ZNF471: variants seen among roughly 807,000 people sequenced by gnomAD.
The protein encoded by ZNF471 is zinc finger protein 471.
In ZNF471, 7 loss-of-function variants were observed where a neutral mutation model predicts 13.7. The observed-to-expected ratio is 0.51, with a 90% CI of 0.29 to 0.96. The LOEUF (loss-of-function observed/expected upper bound fraction) is 0.96, where lower values mean the gene tolerates loss of function less well. Among genes scored for constraint, ZNF471 ranks in the 40% least tolerant of loss-of-function variants. The pLI is 0.08. For synonymous variants in ZNF471, 218 were observed against 235.6 expected (o/e 0.93, Z 0.68); for missense variants, 663 against 743.3 (o/e 0.89, Z 1.26).
In ZNF471 at chr19:56,516,839, A is replaced by G. The variant is rs910508971; in HGVS notation, c.160+438A>G. On this transcript the variant is annotated intron_variant, in intron 3 of 4. Transcript: ENST00000308031. The surrounding 1 kb of genome is among the most constrained non-coding windows in gnomAD (Gnocchi z 4.4). Reference sequence around the variant, plus strand: ...CTTCAGATCACTTACTGTTAGGGAAATTCCTATGGACCTTTCTTCTAAGCA... The same window carrying G: ...CTTCAGATCACTTACTGTTAGGGAAGTTCCTATGGACCTTTCTTCTAAGCA... Among the ~76,000 whole-genome samples the G allele has an allele frequency of 6.6e-6, 1 of 152,242 alleles. No homozygotes were observed. Among genetic ancestry groups the G allele is most frequent in the African/African-American group, 2.4e-5 (1 of 41,460 alleles).
At position 56,528,768 on chromosome 19, in the gene ZNF471, CTTTA is replaced by C. The variant is rs1173426778; in HGVS notation, c.*2825_*2828del. 6.6e-6 allele frequency: 1 copy of C among 152,004 alleles called. No homozygotes were observed. Among genetic ancestry groups the C allele is most frequent in the Non-Finnish European group, 1.5e-5 (1 of 68,008 alleles). 9.4% of individuals were successfully genotyped at this position (152,004 alleles called of 1,614,324 possible). ...ATTCCTGCGGGGAATATATACAAGA[CTTTA>C]TTTAGTCAAGTAAAAAAAAATCACT... On this transcript the variant is annotated 3_prime_UTR_variant, in exon 5 of 5. Transcript: ENST00000308031.
chr19:56,524,853 T>C lies in ZNF471; in HGVS notation c.786T>C (p.Phe262=), dbSNP rs73629951. ...GAACACATACTGGAGAGAAACTCTTTGAATGTAAAGAATGTAGGAAAGCCT... is the reference window on the plus strand; with the variant it reads ...GAACACATACTGGAGAGAAACTCTTCGAATGTAAAGAATGTAGGAAAGCCT... ...HHRTHTGEKL[F]ECKECRKAFK... The change falls in exon 5 of 5, where the codon TTT becomes TTC. Residue 262 remains phenylalanine (F), a synonymous_variant. Transcript: ENST00000308031. The surrounding 1 kb of genome is among the most constrained non-coding windows in gnomAD (Gnocchi z 4.8). 6,577 of 1,610,830 alleles carry C rather than the reference T, an allele frequency of 4.1e-3. 200 individuals carry two copies. In the African/African-American group the frequency reaches 0.073, roughly 18 times the overall value.
At position 56,529,803 on chromosome 19, in the gene ZNF471, A is replaced by G. The variant is rs998722932; in HGVS notation, c.*3855A>G. 6.6e-6 allele frequency: 1 copy of G among 152,228 alleles called. No individual in the cohort carries two copies. The highest frequency in any genetic ancestry group is 2.4e-5 in the African/African-American group (1 of 41,454). 9.4% of individuals were successfully genotyped at this position (152,228 alleles called of 1,614,324 possible). ...ATGTGAAGTTTGGATAATATCCAGTATTGTCGCAGGTGTGAGAAACCGTAT... is the reference window on the plus strand; with the variant it reads ...ATGTGAAGTTTGGATAATATCCAGTGTTGTCGCAGGTGTGAGAAACCGTAT... On this transcript the variant is annotated 3_prime_UTR_variant, in exon 5 of 5. Coordinates refer to ENST00000308031, the MANE Select transcript of ZNF471 (RefSeq NM_020813.4).
At chr19:56,511,078 A>T in intron 1 of ZNF471, 9 of 933,434 alleles carry the variant, frequency 9.6e-6, no homozygotes, top group Non-Finnish European at 1.1e-5. Flanking sequence ...TGGGAGTCAG[A>T]TTTTCCTTTT....
intron 1 of ZNF471, chr19:56,509,681 C>G: frequency 5.6e-6 from 1 of 178,704 alleles, no homozygotes; most frequent in Non-Finnish European, 9.3e-6. Context: ...AGGTCACCCA[C>G]CTGGTATTCA....
chr19:56,516,179 A>T lies in ZNF471; in HGVS notation c.34-96A>T. 8.0e-7 allele frequency: 1 copy of T among 1,257,480 alleles called. No homozygotes were observed. Among genetic ancestry groups the T allele is most frequent in the Non-Finnish European group, 1.1e-6 (1 of 889,622 alleles). The allele number at this position is 1,257,480 out of a possible 1,614,324, so 77.9% of individuals were successfully genotyped here. A position where few individuals can be genotyped will look rare whatever the true frequency, so the allele number is the denominator to read the frequency against. The stretch of plus-strand genomic sequence containing the variant: ...CTATTTATGTTTTTTCTCTTCTATG[A>T]GTTATTTCTCACCTAAAGTAGAGAC... On this transcript the variant is annotated intron_variant, in intron 2 of 4. Transcript: ENST00000308031. The surrounding 1 kb of genome is among the most constrained non-coding windows in gnomAD (Gnocchi z 4.4).
Position 56,510,685 on chromosome 19 carries a change from G to A in ZNF471, c.-55-832G>A. Reference sequence around the variant, plus strand: ...GTCACCCTGTATACCCATAATTGTGGCCCTGTATGACTGCTGTGTATGGAG... The same window carrying A: ...GTCACCCTGTATACCCATAATTGTGACCCTGTATGACTGCTGTGTATGGAG... On this transcript the variant is annotated intron_variant, in intron 1 of 4. Coordinates refer to ENST00000308031, the MANE Select transcript of ZNF471 (RefSeq NM_020813.4). This position sits in a 1 kb window ranked among gnomAD's most constrained non-coding sequence, Gnocchi z 4.3. The A allele has an allele frequency of 1.4e-5, 14 of 985,524 alleles. No individual in the cohort carries two copies. Among genetic ancestry groups the A allele is most frequent in the Non-Finnish European group, 1.4e-5 (12 of 829,968 alleles). The allele number at this position is 985,524 out of a possible 1,614,324, so 61.0% of individuals were successfully genotyped here.
intron 4 of ZNF471, among the ~76,000 whole-genome samples, chr19:56,521,420 C>T (rs1305854160): frequency 6.6e-6 from 1 of 151,986 alleles, no homozygotes; most frequent in East Asian, 1.9e-4. Context: ...AGGCAGATCA[C>T]GAGGTCAGGA....
chr19:56,524,758 G>A lies in ZNF471; in HGVS notation c.691G>A (p.Glu231Lys), dbSNP rs1217535918. 1.2e-6 allele frequency: 2 copies of A among 1,610,760 alleles called. No homozygotes were observed. The highest frequency in any genetic ancestry group is 2.2e-5 in the East Asian group (1 of 44,862). The part of the protein sequence containing the change: ...LTVHFRIHTG[E>K]KPYACEECGK... ...TGTTCATTTTAGAATTCATACTGGTGAAAAACCATATGCATGTGAGGAATG... is the reference window on the plus strand; with the variant it reads ...TGTTCATTTTAGAATTCATACTGGTAAAAAACCATATGCATGTGAGGAATG... The change falls in exon 5 of 5, where the codon GAA becomes AAA. Residue 231 changes from glutamate to lysine, a missense_variant. Coordinates refer to ENST00000308031, the MANE Select transcript of ZNF471 (RefSeq NM_020813.4). This position sits in a 1 kb window ranked among gnomAD's most constrained non-coding sequence, Gnocchi z 4.8.
Position 56,508,245 on chromosome 19 carries a change from G to T in ZNF471, c.-56+325G>T, listed in dbSNP as rs959948595. On this transcript the variant is annotated intron_variant, in intron 1 of 4. Transcript: ENST00000308031. The surrounding 1 kb of genome is among the most constrained non-coding windows in gnomAD (Gnocchi z 4.7). ...GTGTGGTTTCTGTGTGTGTGTGTGT[G>T]TGTGTGTGACAGACCGAGAGTCCAG... 1.1e-6 allele frequency: 1 copy of T among 920,610 alleles called. No individual in the cohort carries two copies. The highest frequency in any genetic ancestry group is 1.3e-6 in the Non-Finnish European group (1 of 775,694). 57.0% of individuals were successfully genotyped at this position (920,610 alleles called of 1,614,324 possible). A position where few individuals can be genotyped will look rare whatever the true frequency, so the allele number is the denominator to read the frequency against.
At chr19:56,514,391 T>C (rs2043853608) in intron 2 of ZNF471, among the ~76,000 whole-genome samples, 2 of 152,278 alleles carry the variant, frequency 1.3e-5, no homozygotes, top group Non-Finnish European at 2.9e-5. Flanking sequence ...TTCTTAGGTT[T>C]TATCTAATGT....
chr19:56,520,321 A>G (rs559105470), intron 4 of ZNF471, among the ~76,000 whole-genome samples: 2 of 152,312 alleles, frequency 1.3e-5, no homozygotes, highest in Admixed American at 6.5e-5. Context: ...AAAGGCCAGG[A>G]AATGAGGAAC....
rs995370659 is a variant in ZNF471 at position 56,528,353 on chromosome 19, A to G, written c.*2405A>G. On this transcript the variant is annotated 3_prime_UTR_variant, in exon 5 of 5. Coordinates refer to ENST00000308031, the MANE Select transcript of ZNF471 (RefSeq NM_020813.4). ...GAATTGATGTAAATTATTTTTAAAC[A>G]GTGCATTCTTGAAAGCAGTATGGCA... The G allele has an allele frequency of 1.3e-5, 2 of 152,230 alleles. No homozygotes were observed. The highest frequency in any genetic ancestry group is 1.3e-4 in the Admixed American group (2 of 15,286). 9.4% of individuals were successfully genotyped at this position (152,230 alleles called of 1,614,324 possible).
Position 56,516,198 on chromosome 19 carries a change from T to C in ZNF471, c.34-77T>C. On this transcript the variant is annotated intron_variant, in intron 2 of 4. Coordinates refer to ENST00000308031, the MANE Select transcript of ZNF471 (RefSeq NM_020813.4). This position sits in a 1 kb window ranked among gnomAD's most constrained non-coding sequence, Gnocchi z 4.4. ...TCTATGAGTTATTTCTCACCTAAAG[T>C]AGAGACACTTTGGATCAACTCAGAG... 6.9e-7 allele frequency: 1 copy of C among 1,453,076 alleles called. No homozygotes were observed. The highest frequency in any genetic ancestry group is 9.5e-7 in the Non-Finnish European group (1 of 1,050,312). The allele number at this position is 1,453,076 out of a possible 1,614,324, so 90.0% of individuals were successfully genotyped here. A position where few individuals can be genotyped will look rare whatever the true frequency, so the allele number is the denominator to read the frequency against.
chr19:56,526,608 G>A lies in ZNF471; in HGVS notation c.*660G>A, dbSNP rs908820080. 1.3e-5 allele frequency: 2 copies of A among 152,328 alleles called. No individual in the cohort carries two copies. The highest frequency in any genetic ancestry group is 4.8e-5 in the African/African-American group (2 of 41,448). The allele number at this position is 152,328 out of a possible 1,614,324, so 9.4% of individuals were successfully genotyped here. ...CAGCAAGCTAAGATCCACTGGCTTG[G>A]AATTCTCCCTGCCAGCACAGCAGTC... On this transcript the variant is annotated 3_prime_UTR_variant, in exon 5 of 5. Transcript: ENST00000308031.
At position 56,525,325 on chromosome 19, in the gene ZNF471, G is replaced by A. The variant is rs565938621; in HGVS notation, c.1258G>A (p.Val420Ile). 1 of 1,612,568 alleles carries A rather than the reference G, an allele frequency of 6.2e-7. No homozygotes were observed. The highest frequency in any genetic ancestry group is 8.5e-7 in the Non-Finnish European group (1 of 1,179,150). ...CTTCAGCTCGGGTTCATCCCGTACT[G>A]TACATCAGAGAATTCATACAGGAGA... is the stretch of plus-strand genomic sequence containing the variant. ...KTFSSGSSRTVHQRIHTGEKP... is the reference protein window; with the variant it reads ...KTFSSGSSRTIHQRIHTGEKP... The change falls in exon 5 of 5, where the codon GTA (valine) becomes ATA (isoleucine). Residue 420 changes from valine to isoleucine, a missense_variant. By Grantham distance (29) the Val-to-Ile change is conservative (BLOSUM62 3). Transcript: ENST00000308031.
intron 4 of ZNF471, among the ~76,000 whole-genome samples, chr19:56,521,286 C>T (rs1017902365): frequency 5.9e-5 from 9 of 152,136 alleles, no homozygotes; most frequent in African/African-American, 1.7e-4. Flanking sequence ...TTATGGACTG[C>T]ATATAAGACA....
rs1452625556 is a variant in ZNF471 at position 56,528,587 on chromosome 19, C to T, written c.*2639C>T. On this transcript the variant is annotated 3_prime_UTR_variant, in exon 5 of 5. Transcript: ENST00000308031. ...GATGGTGATTAGCACATGTAGTATG[C>T]TTAACATTTAATATTATAATAAGAC... 1 of 152,092 alleles carries T rather than the reference C, an allele frequency of 6.6e-6. No individual in the cohort carries two copies. 9.4% of individuals were successfully genotyped at this position (152,092 alleles called of 1,614,324 possible).
At chr19:56,520,613 G>A (rs963603846) in intron 4 of ZNF471, among the ~76,000 whole-genome samples, 18 of 152,260 alleles carry the variant, frequency 1.2e-4, no homozygotes, top group African/African-American at 4.3e-4. Context: ...TGGGGACCTT[G>A]GGAGGTGATT....
Sources: allele counts gnomAD v4.1 joint callset (sites outside exome capture counted in the v4.1 genomes callset), GRCh38; gene constraint gnomAD v4.1.1; non-coding constraint Gnocchi (gnomAD v3.1); transcripts MANE v1.5; gene names NCBI Gene and HGNC (gene_info 2026-07-23, HGNC 2026-07-21).